Variants in ELMO1 observed in about 807,000 individuals in gnomAD.
The protein encoded by ELMO1 is engulfment and cell motility protein 1.
ELMO1 carries 26 observed loss-of-function variants against 98.9 expected under a neutral mutation model. That is an observed-to-expected ratio of 0.26 (90% CI 0.19 to 0.36). The LOEUF is 0.36. Ranked by LOEUF, ELMO1 falls within the 10% of genes least tolerant of loss-of-function variation. The pLI is 1.00. For synonymous variants in ELMO1, 346 were observed against 346.0 expected (o/e 1.00, Z 0.00); for missense variants, 627 against 935.2 (o/e 0.67, Z 4.30).
At chr7:36,875,724 C>T (rs1170384454) in intron 19 of ELMO1, among the ~76,000 whole-genome samples, 1 of 152,148 alleles carries the variant, frequency 6.6e-6, no homozygotes, top group Non-Finnish European at 1.5e-5. Context: ...GTTATTTTCA[C>T]CCTGGAGTCT....
At chr7:37,166,227 CT>C (rs897811437) in intron 13 of ELMO1, among the ~76,000 whole-genome samples, 2 of 152,128 alleles carry the variant, frequency 1.3e-5, no homozygotes, top group South Asian at 2.1e-4. Context: ...ATTCTTCTCT[CT>C]TTTTTTCTTT....
At chr7:37,148,579 A>C (rs562454561) in intron 13 of ELMO1, among the ~76,000 whole-genome samples, 13 of 152,334 alleles carry the variant, frequency 8.5e-5, no homozygotes, top group African/African-American at 2.9e-4. Context: ...TACCATAAAA[A>C]CTCAATTAAA....
Position 37,129,230 on chromosome 7 carries a change from A to G in ELMO1, c.1191+3900T>C, listed in dbSNP as rs140980577. Reference sequence around the variant, plus strand: ...CACAGAGATAGGCTGTGGGCCAGGCATGGTCCCTTGAAGCACTCGGAACTC... The same window carrying G: ...CACAGAGATAGGCTGTGGGCCAGGCGTGGTCCCTTGAAGCACTCGGAACTC... On this transcript the variant is annotated intron_variant, in intron 14 of 21. Transcript: ENST00000310758. 2.6e-4 allele frequency among the ~76,000 whole-genome samples: 38 copies of G among 146,102 alleles called. No homozygotes were observed. The East Asian group carries it at 6.7e-3, about 26-fold the overall frequency.
intron 18 of ELMO1, among the ~76,000 whole-genome samples, chr7:36,885,921 ATG>A (rs1804955930): frequency 6.6e-6 from 1 of 152,176 alleles, no homozygotes; most frequent in South Asian, 2.1e-4. Flanking sequence ...TCTCTTCCTC[ATG>A]ATAGCCTTGG....
intron 19 of ELMO1, among the ~76,000 whole-genome samples, chr7:36,876,801 C>T: frequency 6.6e-6 from 1 of 152,186 alleles, no homozygotes; most frequent in East Asian, 1.9e-4. Context: ...GAGGCATAGA[C>T]AATGTCCCAG....
intron 1 of ELMO1, among the ~76,000 whole-genome samples, chr7:37,426,168 T>TA (rs869132861): frequency 6.9e-6 from 1 of 144,198 alleles, no homozygotes; most frequent in Non-Finnish European, 1.5e-5. Flanking sequence ...TTTTTTTTTT[T>TA]ACTGAGATGG....
intron 1 of ELMO1, among the ~76,000 whole-genome samples, chr7:37,347,744 C>G (rs1047212712): frequency 1.3e-5 from 2 of 152,006 alleles, no homozygotes; most frequent in South Asian, 4.2e-4. Context: ...TAGCAGCATG[C>G]AAACGGACTA....
chr7:37,159,409 A>G (rs1299090142), intron 13 of ELMO1, among the ~76,000 whole-genome samples: 1 of 152,110 alleles, frequency 6.6e-6, no homozygotes, highest in Non-Finnish European at 1.5e-5. Context: ...AAGCATAAAA[A>G]CTTTCAGGGG....
intron 1 of ELMO1, among the ~76,000 whole-genome samples, chr7:37,408,097 A>AT (rs1318279086): frequency 6.6e-6 from 1 of 152,222 alleles, no homozygotes; most frequent in Non-Finnish European, 1.5e-5. Flanking sequence ...GTAGCATTGG[A>AT]TTTTATATCC....
chr7:36,987,970 C>T (rs1252177467), intron 16 of ELMO1, among the ~76,000 whole-genome samples: 2 of 152,224 alleles, frequency 1.3e-5, no homozygotes, highest in Non-Finnish European at 2.9e-5. Flanking sequence ...GTTGGACAGG[C>T]TGGTCTCAAA....
intron 6 of ELMO1, among the ~76,000 whole-genome samples, chr7:37,253,433 T>C (rs946110108): frequency 6.6e-6 from 1 of 152,148 alleles, no homozygotes; most frequent in Non-Finnish European, 1.5e-5. Context: ...TGCAGGGACA[T>C]GGATGAAGCT....
Position 36,861,653 on chromosome 7 carries a change from C to T in ELMO1, c.1983+6G>A, listed in dbSNP as rs1310601781. ...TCTCATAAATTATCACCCCCGAGACCCTTACCTCATGCTTGTCAGGAGCGA... is the reference window on the plus strand; with the variant it reads ...TCTCATAAATTATCACCCCCGAGACTCTTACCTCATGCTTGTCAGGAGCGA... On this transcript the variant is annotated splice_donor_region_variant and intron_variant, in intron 21 of 21. Transcript: ENST00000310758. 4 of 1,612,850 alleles carry T rather than the reference C, an allele frequency of 2.5e-6. No homozygotes were observed. Among genetic ancestry groups the T allele is most frequent in the East Asian group, 2.2e-5 (1 of 44,842 alleles).
chr7:37,409,269 T>C (rs1803901342), intron 1 of ELMO1, among the ~76,000 whole-genome samples: 1 of 152,202 alleles, frequency 6.6e-6, no homozygotes, highest in Admixed American at 6.5e-5. Context: ...GTGATAATAA[T>C]GAAGAGAGCT....
intron 15 of ELMO1, among the ~76,000 whole-genome samples, chr7:37,059,871 G>T (rs930693569): frequency 1.3e-5 from 2 of 152,170 alleles, no homozygotes; most frequent in East Asian, 1.9e-4. Flanking sequence ...ATAAATAAAT[G>T]ACTTGCCCAG....
rs374623133 is a variant in ELMO1 at position 36,959,645 on chromosome 7, T to C, written c.1437+53654A>G. Reference sequence around the variant, plus strand: ...CAGAAGCAATGCAATTGTCTTGAGCTCCCTCTCTATAATCTCTTTTCAAAA... The same window carrying C: ...CAGAAGCAATGCAATTGTCTTGAGCCCCCTCTCTATAATCTCTTTTCAAAA... On this transcript the variant is annotated intron_variant, in intron 16 of 21. Coordinates refer to ENST00000310758, the MANE Select transcript of ELMO1 (RefSeq NM_014800.11). Among the ~76,000 whole-genome samples the C allele has an allele frequency of 8.5e-5, 13 of 152,244 alleles. 1 individual carries two copies. In the East Asian group the frequency reaches 1.9e-3, roughly 23 times the overall value.
At chr7:36,981,049 T>C (rs564727236) in intron 16 of ELMO1, among the ~76,000 whole-genome samples, 1 of 151,932 alleles carries the variant, frequency 6.6e-6, no homozygotes, top group East Asian at 1.9e-4. Flanking sequence ...GCATTCCTGA[T>C]AGGAAAGATG....
chr7:37,268,326 G>A (rs1467224235), intron 5 of ELMO1, among the ~76,000 whole-genome samples: 1 of 152,124 alleles, frequency 6.6e-6, no homozygotes, highest in African/African-American at 2.4e-5. Flanking sequence ...TTGTGAGACA[G>A]GCTCTCGCTC....
At chr7:37,090,425 CACTGCCTGTAAGGTAAAGTCAAA>C (rs1397873544) in intron 15 of ELMO1, among the ~76,000 whole-genome samples, 1 of 152,136 alleles carries the variant, frequency 6.6e-6, no homozygotes, top group African/African-American at 2.4e-5. Flanking sequence ...TATTGGTTTC[CACTGCCTGTAAGGTAAAGTCAAA>C]ACTCTCTGCA....
chr7:37,418,369 AC>A (rs747976867), intron 1 of ELMO1, among the ~76,000 whole-genome samples: 19 of 152,012 alleles, frequency 1.2e-4, no homozygotes, highest in Non-Finnish European at 2.2e-4. Flanking sequence ...TGCTCCCCAT[AC>A]CTCTACCCCT....
Sources: allele counts gnomAD v4.1 joint callset (sites outside exome capture counted in the v4.1 genomes callset), GRCh38; gene constraint gnomAD v4.1.1; transcripts MANE v1.5; gene names NCBI Gene and HGNC (gene_info 2026-07-23, HGNC 2026-07-21).